The following TBC1D1 variants were observed in gnomAD, a reference collection of about 807,000 sequenced individuals.
TBC1D1 encodes TBC1 domain family member 1, also known as TBC1 (tre-2/USP6, BUB2, cdc16) domain family, member 1.
TBC1D1 carries 89 observed loss-of-function variants against 125.6 expected under a neutral mutation model. That is an observed-to-expected ratio of 0.71 (90% CI 0.60 to 0.85). The LOEUF is 0.85. Among genes scored for constraint, TBC1D1 ranks in the 40% least tolerant of loss-of-function variants. TBC1D1 has a pLI of 0.00. For missense variants in TBC1D1, 1,377 were observed against 1,469.2 expected, an observed-to-expected ratio of 0.94 and a Z score of 1.03; for synonymous variants, 565 against 564.1, an observed-to-expected ratio of 1.00 and a Z score of -0.02.
At chr4:37,900,298 C>T (rs1202146584) in intron 1 of TBC1D1, among the ~76,000 whole-genome samples, 1 of 151,932 alleles carries the variant, frequency 6.6e-6, no homozygotes, top group Non-Finnish European at 1.5e-5. Flanking sequence ...CCTTACAAAC[C>T]AGGAATGGAT....
chr4:37,947,546 G>A (rs903783203), intron 2 of TBC1D1, among the ~76,000 whole-genome samples: 4 of 151,914 alleles, frequency 2.6e-5, no homozygotes, highest in East Asian at 1.9e-4. Flanking sequence ...CTGCAGCCTC[G>A]ACCTCCTGGG....
chr4:37,917,115 A>C (rs1381826615), intron 2 of TBC1D1, among the ~76,000 whole-genome samples: 3 of 151,074 alleles, frequency 2.0e-5, no homozygotes, highest in Non-Finnish European at 4.4e-5. Context: ...TGAGTATCTC[A>C]CTCCCTCCTC....
At chr4:38,044,807 A>G (rs1486912992) in intron 9 of TBC1D1, among the ~76,000 whole-genome samples, 2 of 152,290 alleles carry the variant, frequency 1.3e-5, no homozygotes, top group African/African-American at 2.4e-5. Context: ...TGTTCTCCCT[A>G]CTATCACTAT....
chr4:38,084,507 A>G (rs906390875), intron 12 of TBC1D1, among the ~76,000 whole-genome samples: 1 of 152,242 alleles, frequency 6.6e-6, no homozygotes, highest in African/African-American at 2.4e-5. Context: ...AAAGCTGCTC[A>G]TACTTTGTAA....
rs145636657 is a variant in TBC1D1 at position 38,085,674 on chromosome 4, C to T, written c.2051-4258C>T. On this transcript the variant is annotated intron_variant, in intron 12 of 19. Transcript: ENST00000261439. The stretch of plus-strand genomic sequence containing the variant: ...GCTGTCTCTCAGCAAGAATGCAAGT[C>T]GGGGAGAGAAGCCGGATCCCTGGGA... Among the ~76,000 whole-genome samples, 7 of 152,284 alleles carry T rather than the reference C, an allele frequency of 4.6e-5. No individual in the cohort carries two copies. In the East Asian group the frequency reaches 5.8e-4, roughly 13 times the overall value.
At chr4:37,904,607 T>C (rs945139570) in intron 2 of TBC1D1, among the ~76,000 whole-genome samples, 9 of 152,250 alleles carry the variant, frequency 5.9e-5, no homozygotes, top group Non-Finnish European at 4.4e-5. Flanking sequence ...AATTCTGTAA[T>C]TGGGACTTCC....
At position 38,014,897 on chromosome 4, in the gene TBC1D1, T is replaced by C; in HGVS notation, c.806T>C (p.Ile269Thr). 2 of 1,602,966 alleles carry C rather than the reference T, an allele frequency of 1.2e-6. No homozygotes were observed. Among genetic ancestry groups the C allele is most frequent in the East Asian group, 2.2e-5 (1 of 44,518 alleles). Residue 269 changes from isoleucine to threonine, a missense_variant, in exon 3 of 20, where the codon ATT (isoleucine) becomes ACT (threonine). Ile to Thr is a moderately conservative substitution (Grantham distance 89). Coordinates refer to ENST00000261439, the MANE Select transcript of TBC1D1 (RefSeq NM_015173.4). The surrounding 1 kb of genome is among the most constrained non-coding windows in gnomAD (Gnocchi z 5.1). ...TTCAGCTCCTTCGAGGAGAGCGACA[T>C]TGAGAACCACCTCATTAGCGGACAC...
chr4:38,045,663 A>G lies in TBC1D1; in HGVS notation c.1543-154A>G, dbSNP rs370006014. 4.6e-5 allele frequency among the ~76,000 whole-genome samples: 7 copies of G among 152,318 alleles called. No homozygotes were observed. In the East Asian group the frequency reaches 1.3e-3, roughly 29 times the overall value. On this transcript the variant is annotated intron_variant, in intron 9 of 19. Transcript: ENST00000261439. ...TTTATTTTTTAAAAAAATGATGGAA[A>G]TGTTGATTATTTTAATGTACAAATA...
chr4:38,042,052 T>G (rs1327542582), intron 8 of TBC1D1, among the ~76,000 whole-genome samples: 2 of 151,898 alleles, frequency 1.3e-5, no homozygotes, highest in Non-Finnish European at 2.9e-5. Flanking sequence ...GGCGCACACT[T>G]GTAGTCCCAG....
At chr4:37,997,149 G>C (rs1207943433) in intron 2 of TBC1D1, among the ~76,000 whole-genome samples, 1 of 152,218 alleles carries the variant, frequency 6.6e-6, no homozygotes, top group Non-Finnish European at 1.5e-5. Context: ...ACACGCTAAT[G>C]GTTTATCTAA....
intron 15 of TBC1D1, among the ~76,000 whole-genome samples, chr4:38,109,025 A>C (rs576731877): frequency 6.6e-6 from 1 of 152,336 alleles, no homozygotes; most frequent in African/African-American, 2.4e-5. Flanking sequence ...GGAGCTGCTC[A>C]TCACTAGCAG....
intron 2 of TBC1D1, among the ~76,000 whole-genome samples, chr4:37,934,027 AT>A (rs1325602333): frequency 6.6e-6 from 1 of 152,200 alleles, no homozygotes; most frequent in Non-Finnish European, 1.5e-5. Flanking sequence ...TATGTTCAGG[AT>A]AAATAAAGAC....
At position 37,936,749 on chromosome 4, in the gene TBC1D1, A is replaced by G. The variant is rs74482428; in HGVS notation, c.417+34237A>G. On this transcript the variant is annotated intron_variant, in intron 2 of 19. Transcript: ENST00000261439. ...CAGGGTCTGGGAAGAAGTGAGATAT[A>G]CTAGAATAGAACCTCCTTGCGAGAT... Among the ~76,000 whole-genome samples the G allele has an allele frequency of 9.6e-3, 1,456 of 152,334 alleles. 9 individuals are homozygous for G. Among genetic ancestry groups the G allele is most frequent in the Middle Eastern group, 0.061 (18 of 294 alleles).
At position 38,124,989 on chromosome 4, in the gene TBC1D1, T is replaced by A. The variant is rs1341614633; in HGVS notation, c.2990T>A (p.Val997Asp). The A allele has an allele frequency of 1.2e-6, 2 of 1,614,022 alleles. No individual in the cohort carries two copies. Among genetic ancestry groups the A allele is most frequent in the East Asian group, 4.5e-5 (2 of 44,880 alleles). ...ATGATTTTTCTTCAGGGAACAGAGGTCATATTTAAAGTGGCTTTAAGTCTG... is the reference window on the plus strand; with the variant it reads ...ATGATTTTTCTTCAGGGAACAGAGGACATATTTAAAGTGGCTTTAAGTCTG... Residue 997 changes from valine (V) to aspartate (D), a missense_variant, in exon 18 of 20, where the codon GTC becomes GAC. Val to Asp is a radical substitution (Grantham distance 152). Around this residue, in one of 3 missense-constraint regions of TBC1D1, gnomAD observed 543 missense variants for 613.5 expected, o/e 0.89. Transcript: ENST00000261439.
intron 2 of TBC1D1, among the ~76,000 whole-genome samples, chr4:37,992,371 G>A (rs1461713702): frequency 6.6e-6 from 1 of 152,120 alleles, no homozygotes; most frequent in Non-Finnish European, 1.5e-5. Context: ...CACTTACCAG[G>A]TTTTGAGCCC....
intron 2 of TBC1D1, among the ~76,000 whole-genome samples, chr4:37,935,713 T>G (rs1724245773): frequency 6.6e-6 from 1 of 152,196 alleles, no homozygotes; most frequent in African/African-American, 2.4e-5. Flanking sequence ...TTTAAGCTCT[T>G]GCATGGATTC....
chr4:38,024,537 C>T (rs1158060108), intron 6 of TBC1D1, among the ~76,000 whole-genome samples: 1 of 152,162 alleles, frequency 6.6e-6, no homozygotes, highest in Non-Finnish European at 1.5e-5. Flanking sequence ...AAAATCCAAC[C>T]AAGGCACAAA....
intron 17 of TBC1D1, among the ~76,000 whole-genome samples, chr4:38,123,106 A>C (rs1260834554): frequency 1.3e-5 from 2 of 152,218 alleles, no homozygotes; most frequent in Non-Finnish European, 2.9e-5. Flanking sequence ...TGTTTATTTT[A>C]ATTGGCGTAG....
intron 3 of TBC1D1, among the ~76,000 whole-genome samples, chr4:38,017,379 C>A (rs1218413625): frequency 6.6e-6 from 1 of 152,176 alleles, no homozygotes; most frequent in African/African-American, 2.4e-5. Flanking sequence ...TTTTCATCAT[C>A]CTTGGTCTCC....
Sources: allele counts gnomAD v4.1 joint callset (sites outside exome capture counted in the v4.1 genomes callset), GRCh38; gene constraint gnomAD v4.1.1; regional missense constraint gnomAD v4.1.1; non-coding constraint Gnocchi (gnomAD v3.1); transcripts MANE v1.5; gene names NCBI Gene and HGNC (gene_info 2026-07-23, HGNC 2026-07-21).